Variants in ARPC1A observed in about 807,000 individuals in gnomAD.
ARPC1A encodes actin related protein 2/3 complex subunit 1A, also known as actin-related protein 2/3 complex subunit 1A.
In ARPC1A, 8 loss-of-function variants were observed where a neutral mutation model predicts 46.9. The ratio of observed to expected loss-of-function variants is 0.17; its 90% CI spans 0.10 to 0.31. ARPC1A has a LOEUF of 0.31. ARPC1A is among the 10% of genes least tolerant of loss of function. ARPC1A has a pLI of 1.00. For missense variants in ARPC1A, 286 were observed against 483.6 expected, an observed-to-expected ratio of 0.59 and a Z score of 3.83; for synonymous variants, 152 against 169.0, an observed-to-expected ratio of 0.90 and a Z score of 0.78.
At chr7:99,364,290 G>A (rs1382382761) in intron 9 of ARPC1A, among the ~76,000 whole-genome samples, 1 of 59,984 alleles carries the variant, frequency 1.7e-5, no homozygotes, top group African/African-American at 6.2e-5. Context: ...TTTTTTTTTT[G>A]AGACAGAGTT....
chr7:99,359,453 A>AT, intron 7 of ARPC1A, 92 bp from the exon 8 acceptor site: 7 of 1,067,160 alleles, frequency 6.6e-6, no homozygotes, highest in African/African-American at 1.8e-5. Context: ...AAAAAAAAAA[A>AT]GAGTAAGAGA....
At chr7:99,350,185 G>A (rs962744743) in intron 5 of ARPC1A, among the ~76,000 whole-genome samples, 9 of 152,176 alleles carry the variant, frequency 5.9e-5, no homozygotes, top group African/African-American at 2.2e-4. Context: ...TTCCTTAAGT[G>A]TAAGAATATC....
chr7:99,339,072 A>G (rs2150862559), intron 3 of ARPC1A, among the ~76,000 whole-genome samples: 1 of 152,292 alleles, frequency 6.6e-6, no homozygotes, highest in East Asian at 1.9e-4. Context: ...CCAGGAAGTA[A>G]TTTCTTTTCC....
chr7:99,363,872 T>C (rs1400501972), intron 9 of ARPC1A, among the ~76,000 whole-genome samples: 1 of 152,136 alleles, frequency 6.6e-6, no homozygotes, highest in Non-Finnish European at 1.5e-5. Flanking sequence ...GAGAAGAATG[T>C]TTCTCATTTC....
At chr7:99,349,008 T>C in intron 5 of ARPC1A, 49 bp downstream of exon 5, 1 of 1,493,044 alleles carries the variant, frequency 6.7e-7, no homozygotes, top group Non-Finnish European at 9.2e-7. Context: ...TTCTTCATCC[T>C]TCAACAAATA....
At chr7:99,339,790 A>G (rs1380042819) in intron 3 of ARPC1A, 1 of 282,866 alleles carries the variant, frequency 3.5e-6, no homozygotes, top group East Asian at 7.8e-5. Context: ...AAAGTGCTGA[A>G]TAGGCATCCC....
rs2150877970 is a variant in ARPC1A at position 99,366,153 on chromosome 7, C to T, written c.*224C>T. 3.5e-6 allele frequency: 2 copies of T among 567,100 alleles called. No homozygotes were observed. Among genetic ancestry groups the T allele is most frequent in the Non-Finnish European group, 6.2e-6 (2 of 322,454 alleles). 35.1% of individuals were successfully genotyped at this position (567,100 alleles called of 1,614,324 possible). On this transcript the variant is annotated 3_prime_UTR_variant, in exon 10 of 10. Coordinates refer to ENST00000262942, the MANE Select transcript of ARPC1A (RefSeq NM_006409.4). ...GATTTCATTCCATTCTTGACCAAAG[C>T]TTCTCTTTAAGTAGTTTATTATGGA...
At chr7:99,359,968 A>G (rs993681999) in intron 8 of ARPC1A, 1 of 578,084 alleles carries the variant, frequency 1.7e-6, no homozygotes, top group African/African-American at 1.9e-5. Flanking sequence ...GGTGCAGATT[A>G]CAAGGCAGCA....
rs754747240 is a variant in ARPC1A at position 99,338,378 on chromosome 7, A to ATTT, written c.169+116_169+118dup. The ATTT allele has an allele frequency of 4.2e-3, 1,022 of 242,428 alleles. 6 individuals carry two copies. The highest frequency in any genetic ancestry group is 0.01 in the South Asian group (167 of 16,432). The allele number at this position is 242,428 out of a possible 1,614,324, so 15.0% of individuals were successfully genotyped here. ...AGCCTAATAAACCCAGGTGGCCATA[A>ATTT]TTTTTTTTTTTTTTTTTTTTTTTTT... On this transcript the variant is annotated intron_variant, in intron 3 of 9. Transcript: ENST00000262942.
Position 99,353,921 on chromosome 7 carries a change from C to T in ARPC1A, c.513C>T (p.Ala171=). The change falls in exon 6 of 10, where the codon GCC becomes GCT. Residue 171 remains alanine (A), a synonymous_variant. Coordinates refer to ENST00000262942, the MANE Select transcript of ARPC1A (RefSeq NM_006409.4). Reference sequence around the variant, plus strand: ...GCCCTTTAAACAGAGTGTTTTCTGCCTACATTAAAGAAGTGGATGAAAAGC... The same window carrying T: ...GCCCTTTAAACAGAGTGTTTTCTGCTTACATTAAAGAAGTGGATGAAAAGC... ...SCDFKCRVFS[A]YIKEVDEKPA... is the part of the protein sequence containing the mutation. 6.2e-7 allele frequency: 1 copy of T among 1,613,688 alleles called. No individual in the cohort carries two copies. Among genetic ancestry groups the T allele is most frequent in the South Asian group, 1.1e-5 (1 of 91,058 alleles).
chr7:99,348,183 C>G (rs938316434), intron 4 of ARPC1A, among the ~76,000 whole-genome samples: 19 of 152,156 alleles, frequency 1.2e-4, no homozygotes, highest in African/African-American at 4.3e-4. Context: ...ACCAAAAATT[C>G]AGCAAATCAC....
At chr7:99,326,795 T>C (rs1793055070) in intron 1 of ARPC1A, among the ~76,000 whole-genome samples, 1 of 152,236 alleles carries the variant, frequency 6.6e-6, no homozygotes, top group South Asian at 2.1e-4. Flanking sequence ...TCTATGCATA[T>C]CCGTCTTCCT....
At chr7:99,365,131 C>G (rs567064334) in intron 9 of ARPC1A, among the ~76,000 whole-genome samples, 1 of 152,066 alleles carries the variant, frequency 6.6e-6, no homozygotes, top group African/African-American at 2.4e-5. Flanking sequence ...TGTGGTCCTC[C>G]GGAAGCACAG....
rs534294303 is a variant in ARPC1A, at chr7:99,349,166, T to G, written c.500+207T>G. Reference sequence around the variant, plus strand: ...CCTGGGCTCAAGCGATCCTCCAGCCTCAGCCTCCAGAGTAGTTGGGACTAC... The same window carrying G: ...CCTGGGCTCAAGCGATCCTCCAGCCGCAGCCTCCAGAGTAGTTGGGACTAC... On this transcript the variant is annotated intron_variant, in intron 5 of 9. Transcript: ENST00000262942. 5.3e-5 allele frequency among the ~76,000 whole-genome samples: 8 copies of G among 152,206 alleles called. No homozygotes were observed. In the South Asian group the frequency reaches 1.7e-3, roughly 32 times the overall value.
chr7:99,361,862 G>C (rs1256678619), intron 8 of ARPC1A, among the ~76,000 whole-genome samples: 1 of 152,202 alleles, frequency 6.6e-6, no homozygotes, highest in African/African-American at 2.4e-5. Flanking sequence ...GTTGTGGCAG[G>C]AAAGCAGGCA....
intron 2 of ARPC1A, chr7:99,335,348 A>T: frequency 7.3e-6 from 3 of 411,602 alleles, no homozygotes; most frequent in South Asian, 5.3e-5. Context: ...TCTCTGTTTT[A>T]TTGCCTTGGC....
chr7:99,359,438 A>C, intron 7 of ARPC1A, 107 bp from the exon 8 acceptor site: 1 of 378,874 alleles, frequency 2.6e-6, no homozygotes, highest in Non-Finnish European at 3.7e-6. Flanking sequence ...TCGGTCTCAA[A>C]AAAAAAAAAA....
chr7:99,349,934 C>T (rs1387207613), intron 5 of ARPC1A, among the ~76,000 whole-genome samples: 1 of 150,874 alleles, frequency 6.6e-6, no homozygotes, highest in Non-Finnish European at 1.5e-5. Flanking sequence ...TCATTTGAAC[C>T]GGGGAGGTGG....
chr7:99,332,947 A>G (rs975895584), intron 1 of ARPC1A, among the ~76,000 whole-genome samples: 10 of 147,558 alleles, frequency 6.8e-5, no homozygotes, highest in African/African-American at 2.6e-4. Flanking sequence ...CCCAGGCTGG[A>G]GTGCAGTGGC....
Sources: allele counts gnomAD v4.1 joint callset (sites outside exome capture counted in the v4.1 genomes callset), GRCh38; gene constraint gnomAD v4.1.1; transcripts MANE v1.5; gene names NCBI Gene and HGNC (gene_info 2026-07-23, HGNC 2026-07-21).